The following NUCB2 variants were observed in gnomAD, a reference collection of about 807,000 sequenced individuals.
NUCB2 encodes the protein nucleobindin-2.
A neutral mutation model predicts 57.9 loss-of-function variants in NUCB2; 48 were observed. The ratio of observed to expected loss-of-function variants is 0.83; its 90% CI spans 0.66 to 1.05. The LOEUF is 1.05. Ranked by LOEUF, NUCB2 falls within the 50% of genes least tolerant of loss-of-function variation. The pLI, the probability that NUCB2 is intolerant of heterozygous loss-of-function variation, is 0.00. For missense variants in NUCB2, 442 were observed against 476.2 expected, an observed-to-expected ratio of 0.93 and a Z score of 0.67; for synonymous variants, 139 against 152.1, an observed-to-expected ratio of 0.91 and a Z score of 0.64.
intron 5 of NUCB2, among the ~76,000 whole-genome samples, chr11:17,302,680 T>G (rs1946939956): frequency 6.6e-6 from 1 of 151,476 alleles, no homozygotes; most frequent in Admixed American, 6.6e-5. Context: ...CAGGTAGTCC[T>G]CCCACCTCAG....
chr11:17,280,752 C>T (rs184858387), intron 1 of NUCB2, among the ~76,000 whole-genome samples: 172 of 152,276 alleles, frequency 1.1e-3, no homozygotes, highest in African/African-American at 3.9e-3. Context: ...TCAAAAATGA[C>T]TGTAAGACCG....
At chr11:17,300,242 G>A (rs1389020264) in intron 4 of NUCB2, among the ~76,000 whole-genome samples, 3 of 152,074 alleles carry the variant, frequency 2.0e-5, no homozygotes, top group South Asian at 4.2e-4. Context: ...AAACTCCAGC[G>A]CTCAAACGAT....
At chr11:17,290,042 A>G (rs1944658821) in intron 2 of NUCB2, among the ~76,000 whole-genome samples, 1 of 152,188 alleles carries the variant, frequency 6.6e-6, no homozygotes, top group South Asian at 2.1e-4. Context: ...GGCTGCTGAT[A>G]GGTAATCCTG....
intron 10 of NUCB2, among the ~76,000 whole-genome samples, chr11:17,314,236 C>A (rs1948921647): frequency 6.6e-6 from 1 of 152,108 alleles, no homozygotes; most frequent in African/African-American, 2.4e-5. Context: ...CAATCAAGTC[C>A]AAGCAAGTCT....
chr11:17,317,974 C>CTTTTTTTTTTTTTTTTTTTTTT (rs35264082), intron 11 of NUCB2, among the ~76,000 whole-genome samples: 1 of 109,928 alleles, frequency 9.1e-6, no homozygotes. Flanking sequence ...AAGAAGTCAG[C>CTTTTTTTTTTTTTTTTTTTTTT]TTTTTTTTTT....
At chr11:17,307,524 C>A (rs1947859134) in intron 5 of NUCB2, among the ~76,000 whole-genome samples, 1 of 152,016 alleles carries the variant, frequency 6.6e-6, no homozygotes, top group South Asian at 2.1e-4. Context: ...TCTTTTTATG[C>A]AAAAGGAAAT....
At chr11:17,308,370 T>C (rs1300934015) in intron 5 of NUCB2, among the ~76,000 whole-genome samples, 3 of 152,236 alleles carry the variant, frequency 2.0e-5, no homozygotes, top group African/African-American at 7.2e-5. Context: ...CATAGACACA[T>C]ATATAAACAC....
rs138962771 is a variant in NUCB2 at position 17,277,304 on chromosome 11, C to T, written c.-156+476C>T. On this transcript the variant is annotated intron_variant, in intron 1 of 13. Coordinates refer to ENST00000529010, the MANE Select transcript of NUCB2 (RefSeq NM_005013.4). ...CACTTAGGAGAAAGTTAGTGTAAGT[C>T]GTGATATGCTTTTCACTTAAGTGAC... Among the ~76,000 whole-genome samples the T allele has an allele frequency of 1.4e-3, 213 of 152,258 alleles. 1 individual carries two copies. The highest frequency in any genetic ancestry group is 4.9e-3 in the African/African-American group (204 of 41,562).
downstream of NUCB2, among the ~76,000 whole-genome samples, chr11:17,335,334 C>A (rs972581507): frequency 6.6e-6 from 1 of 152,044 alleles, no homozygotes; most frequent in Non-Finnish European, 1.5e-5. Flanking sequence ...AGAGTAATTT[C>A]TTGAAATGCT....
intron 5 of NUCB2, among the ~76,000 whole-genome samples, chr11:17,302,500 T>C (rs1427486140): frequency 6.6e-6 from 1 of 152,084 alleles, no homozygotes; most frequent in African/African-American, 2.4e-5. Flanking sequence ...ATACATGGAA[T>C]AGAAAATTTT....
Position 17,286,176 on chromosome 11 carries a change from C to T in NUCB2, c.-1+3233C>T, listed in dbSNP as rs370182478. Among the ~76,000 whole-genome samples the T allele has an allele frequency of 9.9e-5, 15 of 152,234 alleles. No individual in the cohort carries two copies. The South Asian group carries it at 2.9e-3, about 29-fold the overall frequency. On this transcript the variant is annotated intron_variant, in intron 2 of 13. Coordinates refer to ENST00000529010, the MANE Select transcript of NUCB2 (RefSeq NM_005013.4). ...ATCCCCCACCAAGTAGCTGGGACTA[C>T]AGGCATGTGCCACCATGCCCAACTA...
intron 11 of NUCB2, 85 bp downstream of exon 11, chr11:17,315,560 T>A: frequency 1.4e-6 from 1 of 703,744 alleles, no homozygotes; most frequent in Non-Finnish European, 2.4e-6. Context: ...TTCCCCATTA[T>A]GTTTGCATGT....
intron 2 of NUCB2, among the ~76,000 whole-genome samples, chr11:17,292,492 A>G (rs771046216): frequency 6.6e-5 from 10 of 152,168 alleles, no homozygotes; most frequent in Non-Finnish European, 1.5e-4. Flanking sequence ...ATTAAAACAG[A>G]TTGTGAGGCC....
intron 1 of NUCB2, among the ~76,000 whole-genome samples, chr11:17,282,242 A>ATCTATCTATCTGTC (rs1465883881): frequency 5.0e-5 from 6 of 119,674 alleles, no homozygotes; most frequent in African/African-American, 2.1e-4. Flanking sequence ...CTATCTATAT[A>ATCTATCTATCTGTC]TATATATATA....
At chr11:17,281,549 C>T (rs975713717) in intron 1 of NUCB2, among the ~76,000 whole-genome samples, 3 of 152,178 alleles carry the variant, frequency 2.0e-5, no homozygotes, top group African/African-American at 7.2e-5. Context: ...ATGCACTGTG[C>T]TGGTTACTTT....
At chr11:17,301,376 T>C (rs1946718529) in intron 4 of NUCB2, among the ~76,000 whole-genome samples, 1 of 150,750 alleles carries the variant, frequency 6.6e-6, no homozygotes. Context: ...CCTCCTGGGT[T>C]CAAGTGATTC....
chr11:17,334,358 G>A (rs1281720447), downstream of NUCB2: 1 of 152,428 alleles, frequency 6.6e-6, no homozygotes, highest in African/African-American at 2.4e-5. Flanking sequence ...TTAGGAAGCT[G>A]CCTGCTGAAC....
rs1417923608 is a variant in NUCB2, at chr11:17,276,770, C to G, written c.-214C>G. ...GAGCGGTGGGCCGGGGGCTGGAGGACAGGTTTGTGCGCTGGACGCAAGCAC... is the reference window on the plus strand; with the variant it reads ...GAGCGGTGGGCCGGGGGCTGGAGGAGAGGTTTGTGCGCTGGACGCAAGCAC... On this transcript the variant is annotated 5_prime_UTR_variant, in exon 1 of 14. Transcript: ENST00000529010. 6.6e-6 allele frequency: 1 copy of G among 152,432 alleles called. No individual in the cohort carries two copies. 9.4% of individuals were successfully genotyped at this position (152,432 alleles called of 1,614,324 possible).
In NUCB2 at chr11:17,317,514, C is replaced by T. The variant is rs192218390; in HGVS notation, c.1002+2039C>T. The T allele has an allele frequency of 4.8e-5, 18 of 372,688 alleles. No individual in the cohort carries two copies. In the East Asian group the frequency reaches 1.3e-3, roughly 27 times the overall value. The allele number at this position is 372,688 out of a possible 1,614,324, so 23.1% of individuals were successfully genotyped here. On this transcript the variant is annotated intron_variant, in intron 11 of 13. Transcript: ENST00000529010. ...ACTTAGTGAGATTTTGTCAATTTTC[C>T]CAATAATATCCTTTATAACAAAAGA... is the stretch of plus-strand genomic sequence containing the variant.
Sources: allele counts gnomAD v4.1 joint callset (sites outside exome capture counted in the v4.1 genomes callset), GRCh38; gene constraint gnomAD v4.1.1; transcripts MANE v1.5; gene names NCBI Gene and HGNC (gene_info 2026-07-23, HGNC 2026-07-21).